The following NLN variants were observed in gnomAD, a reference collection of about 807,000 sequenced individuals.
NLN encodes neurolysin, mitochondrial.
NLN carries 64 observed loss-of-function variants against 79.9 expected under a neutral mutation model. That is an observed-to-expected ratio of 0.80 (90% confidence interval 0.65 to 0.99). The LOEUF (loss-of-function observed/expected upper bound fraction) is 0.99. Ranked by LOEUF, NLN falls within the 50% of genes least tolerant of loss-of-function variation. The probability of loss-of-function intolerance (pLI) is 0.00; values close to 1 mark genes in which losing one functional copy is unlikely to be tolerated. For synonymous variants in NLN, 267 were observed against 296.6 expected, an observed-to-expected ratio of 0.90 and a Z score of 1.02; for missense variants, 835 against 858.7, an observed-to-expected ratio of 0.97 and a Z score of 0.34.
intron 9 of NLN, among the ~76,000 whole-genome samples, chr5:65,796,596 G>GA (rs1467039965): frequency 7.9e-5 from 12 of 152,116 alleles, no homozygotes; most frequent in African/African-American, 2.9e-4. Flanking sequence ...GATTATCTTT[G>GA]AAAAATCTCT....
intron 6 of NLN, among the ~76,000 whole-genome samples, chr5:65,784,815 A>G (rs1471825363): frequency 6.6e-6 from 1 of 152,134 alleles, no homozygotes; most frequent in Non-Finnish European, 1.5e-5. Flanking sequence ...CTACCCATTA[A>G]GCATTAACTC....
chr5:65,822,374 A>C (rs1212771383), intron 12 of NLN, among the ~76,000 whole-genome samples: 1 of 152,168 alleles, frequency 6.6e-6, no homozygotes, highest in East Asian at 1.9e-4. Flanking sequence ...GACAGTAGCC[A>C]TGCTACTGTT....
At chr5:65,793,186 A>AT (rs1389363297) in intron 9 of NLN, 2 of 195,176 alleles carry the variant, frequency 1.0e-5, no homozygotes, top group South Asian at 8.8e-5. Context: ...ATTAAAACTG[A>AT]TTTTTTTATT....
At chr5:65,765,324 C>T (rs1227439722) in intron 3 of NLN, among the ~76,000 whole-genome samples, 2 of 152,124 alleles carry the variant, frequency 1.3e-5, no homozygotes, top group Non-Finnish European at 2.9e-5. Context: ...TCAAGACCAG[C>T]CTGGTCAACA....
intron 9 of NLN, among the ~76,000 whole-genome samples, chr5:65,796,992 A>G (rs1367804645): frequency 6.6e-6 from 1 of 152,246 alleles, no homozygotes. Context: ...CCCGTTTTCA[A>G]ACATGTAGAT....
chr5:65,790,994 G>C (rs1035315591), intron 8 of NLN, among the ~76,000 whole-genome samples: 1 of 152,218 alleles, frequency 6.6e-6, no homozygotes, highest in African/African-American at 2.4e-5. Context: ...GTAACAGAGA[G>C]TAATCTTTGT....
At chr5:65,735,578 A>G (rs1462376695) in intron 1 of NLN, among the ~76,000 whole-genome samples, 3 of 152,114 alleles carry the variant, frequency 2.0e-5, no homozygotes, top group African/African-American at 7.2e-5. Context: ...TCACCATCAT[A>G]ATCCAAATCT....
Position 65,780,229 on chromosome 5 carries a change from C to A in NLN, c.609C>A (p.Asn203Lys). The part of the protein sequence containing the change: ...KRMSELCIDF[N>K]KNLNEDDTFL... ...TGAGTGAGCTATGTATTGATTTTAA[C>A]AAAAACCTCAATGAGGATGATACCT... Residue 203 changes from asparagine to lysine, a missense_variant, in exon 5 of 13, where the codon AAC becomes AAA. Transcript: ENST00000380985. 1 of 1,497,530 alleles carries A rather than the reference C, an allele frequency of 6.7e-7. No individual in the cohort carries two copies. Among genetic ancestry groups the A allele is most frequent in the Non-Finnish European group, 9.2e-7 (1 of 1,083,596 alleles). 92.8% of individuals were successfully genotyped at this position (1,497,530 alleles called of 1,614,324 possible).
chr5:65,724,599 A>T (rs2150730050), intron 1 of NLN, among the ~76,000 whole-genome samples: 2 of 152,200 alleles, frequency 1.3e-5, no homozygotes, highest in South Asian at 4.2e-4. Flanking sequence ...GGGATACTGT[A>T]TGTACCTAGA....
At chr5:65,747,061 T>A (rs562808479) in intron 1 of NLN, among the ~76,000 whole-genome samples, 10 of 151,702 alleles carry the variant, frequency 6.6e-5, no homozygotes, top group Middle Eastern at 3.4e-3. Context: ...GGGTGATGTC[T>A]CTGGAAGAGA....
intron 3 of NLN, among the ~76,000 whole-genome samples, chr5:65,770,649 A>G (rs549741890): frequency 2.0e-5 from 3 of 152,350 alleles, no homozygotes; most frequent in East Asian, 1.9e-4. Flanking sequence ...TCCACAACCT[A>G]GCACATCCTC....
Position 65,812,258 on chromosome 5 carries a change from C to T in NLN, c.1847C>T (p.Thr616Ile). 6.2e-7 allele frequency: 1 copy of T among 1,613,214 alleles called. No individual in the cohort carries two copies. The highest frequency in any genetic ancestry group is 8.5e-7 in the Non-Finnish European group (1 of 1,179,410). The change falls in exon 12 of 13, where the codon ACA becomes ATA. Residue 616 changes from threonine (T) to isoleucine (I), a missense_variant. Thr to Ile is a moderately conservative substitution (Grantham distance 89). Transcript: ENST00000380985. ...TGAAATGTATCTTTTTTTAAAGGCACAAATATGCCAGCTACCTTTGGACAT... is the reference window on the plus strand; with the variant it reads ...TGAAATGTATCTTTTTTTAAAGGCATAAATATGCCAGCTACCTTTGGACAT... ...EILGVAATPG[T>I]NMPATFGHLA...
chr5:65,729,909 C>A (rs926874231), intron 1 of NLN, among the ~76,000 whole-genome samples: 3 of 152,184 alleles, frequency 2.0e-5, no homozygotes, highest in Admixed American at 2.0e-4. Context: ...ATCATAGAGT[C>A]GACTATATAA....
chr5:65,795,875 G>C (rs568224114), intron 9 of NLN, among the ~76,000 whole-genome samples: 14 of 151,978 alleles, frequency 9.2e-5, no homozygotes, highest in African/African-American at 2.9e-4. Context: ...TAGACTTATG[G>C]TATATTACTT....
chr5:65,810,362 C>T (rs1482241025), intron 11 of NLN, among the ~76,000 whole-genome samples, 197 bp downstream of exon 11: 1 of 152,178 alleles, frequency 6.6e-6, no homozygotes, highest in African/African-American at 2.4e-5. Context: ...AAGGTGGCTC[C>T]AGATCTGCAG....
Position 65,780,222 on chromosome 5 carries a change from A to AT in NLN, c.606dup (p.Asn203Ter). ...AAAAGAATGAGTGAGCTATGTATTG[A>AT]TTTTAACAAAAACCTCAATGAGGAT... On this transcript the variant is annotated frameshift_variant, in exon 5 of 13. Coordinates refer to ENST00000380985, the MANE Select transcript of NLN (RefSeq NM_020726.5). LOFTEE classifies it high-confidence loss of function. 6.7e-7 allele frequency: 1 copy of AT among 1,485,414 alleles called. No individual in the cohort carries two copies. The highest frequency in any genetic ancestry group is 9.3e-7 in the Non-Finnish European group (1 of 1,071,294). 92.0% of individuals were successfully genotyped at this position (1,485,414 alleles called of 1,614,324 possible).
chr5:65,777,620 C>G (rs1759707787), intron 4 of NLN, 86 bp downstream of exon 4: 5 of 854,506 alleles, frequency 5.9e-6, no homozygotes, highest in Non-Finnish European at 9.3e-6. Context: ...ATCCAGAAAT[C>G]CAAAATGCTC....
intron 1 of NLN, among the ~76,000 whole-genome samples, chr5:65,750,815 C>T (rs933896711): frequency 2.0e-5 from 3 of 151,910 alleles, no homozygotes; most frequent in Non-Finnish European, 4.4e-5. Flanking sequence ...AAAAGAGAAA[C>T]AGGTAAACCT....
chr5:65,800,773 C>A (rs1052636084), intron 9 of NLN, among the ~76,000 whole-genome samples: 7 of 151,966 alleles, frequency 4.6e-5, no homozygotes, highest in Non-Finnish European at 8.8e-5. Flanking sequence ...CAGCCTCAGC[C>A]TCCACCTTCC....
Sources: allele counts gnomAD v4.1 joint callset (sites outside exome capture counted in the v4.1 genomes callset), GRCh38; gene constraint gnomAD v4.1.1; transcripts MANE v1.5; gene names NCBI Gene and HGNC (gene_info 2026-07-23, HGNC 2026-07-21).